Variants in CSTPP1 observed in about 807,000 individuals in gnomAD.
The protein encoded by CSTPP1 is UPF0705 protein C11orf49.
chr11:47,113,550 C>T, the CSTPP1 span, among the ~76,000 whole-genome samples: 3 of 152,126 alleles, frequency 2.0e-5, no homozygotes, highest in Non-Finnish European at 1.5e-5. Context: ...TTCTAACTGG[C>T]GTGAGATGGT....
the CSTPP1 span, among the ~76,000 whole-genome samples, chr11:47,142,853 G>A: frequency 6.6e-6 from 1 of 152,156 alleles, no homozygotes; most frequent in African/African-American, 2.4e-5. Flanking sequence ...CTTCTGGAAT[G>A]GTATTCCTCT....
At chr11:47,017,698 C>T in the CSTPP1 span, among the ~76,000 whole-genome samples, 1 of 148,746 alleles carries the variant, frequency 6.7e-6, no homozygotes. Flanking sequence ...GACAGAGTCT[C>T]ACTCTGTTGC....
At chr11:46,955,258 T>C in the CSTPP1 span, among the ~76,000 whole-genome samples, 1 of 152,144 alleles carries the variant, frequency 6.6e-6, no homozygotes, top group Non-Finnish European at 1.5e-5. Flanking sequence ...CCCCACTTTC[T>C]ACATGGAAGG....
At chr11:47,067,559 A>C in the CSTPP1 span, among the ~76,000 whole-genome samples, 1 of 152,192 alleles carries the variant, frequency 6.6e-6, no homozygotes, top group South Asian at 2.1e-4. Flanking sequence ...AAGAAGAGAC[A>C]CCGGAACTGG....
the CSTPP1 span, among the ~76,000 whole-genome samples, chr11:47,134,842 A>G: frequency 1.3e-5 from 2 of 152,200 alleles, no homozygotes; most frequent in Non-Finnish European, 1.5e-5. Flanking sequence ...TAAGTGTCCA[A>G]ACTCAGCAAC....
At chr11:47,016,406 A>AAAC in the CSTPP1 span, among the ~76,000 whole-genome samples, 1 of 150,394 alleles carries the variant, frequency 6.6e-6, no homozygotes, top group Non-Finnish European at 1.5e-5. Flanking sequence ...ACAAAAAACA[A>AAAC]AAAACAAAAA....
At chr11:46,939,419 T>C in the CSTPP1 span, among the ~76,000 whole-genome samples, 2 of 151,990 alleles carry the variant, frequency 1.3e-5, no homozygotes, top group Non-Finnish European at 2.9e-5. Context: ...ACAATTCTGG[T>C]TTACATTTTG....
chr11:46,996,396 C>T, the CSTPP1 span, among the ~76,000 whole-genome samples: 28 of 151,952 alleles, frequency 1.8e-4, no homozygotes, highest in African/African-American at 5.1e-4. Flanking sequence ...CTCCGCCTCC[C>T]GGGTTCACGC....
the CSTPP1 span, among the ~76,000 whole-genome samples, chr11:46,973,640 T>C: frequency 5.3e-5 from 8 of 152,208 alleles, no homozygotes; most frequent in African/African-American, 1.9e-4. Context: ...CCCATTTAAG[T>C]ACTTTCTAGA....
the CSTPP1 span, among the ~76,000 whole-genome samples, chr11:46,941,530 G>A: frequency 1.3e-5 from 2 of 152,022 alleles, no homozygotes; most frequent in Non-Finnish European, 2.9e-5. Context: ...AGTAGAGACA[G>A]AGTTTCACCA....
the CSTPP1 span, among the ~76,000 whole-genome samples, chr11:47,128,976 G>A: frequency 5.3e-5 from 8 of 152,128 alleles, no homozygotes; most frequent in Non-Finnish European, 1.0e-4. Flanking sequence ...GTTGAGTGAG[G>A]TATATCACCA....
the CSTPP1 span, among the ~76,000 whole-genome samples, chr11:47,049,166 T>C: frequency 7.9e-5 from 12 of 151,538 alleles, no homozygotes; most frequent in Non-Finnish European, 1.5e-4. Flanking sequence ...TTGTAATGTT[T>C]CATAAAATCA....
the CSTPP1 span, chr11:47,157,771 T>C: frequency 6.3e-7 from 1 of 1,587,014 alleles, no homozygotes; most frequent in Admixed American, 1.7e-5. Context: ...GAGGTGGCCC[T>C]GAGGCTGGCT....
At chr11:46,989,730 C>T in the CSTPP1 span, among the ~76,000 whole-genome samples, 3 of 152,202 alleles carry the variant, frequency 2.0e-5, no homozygotes, top group Non-Finnish European at 2.9e-5. Flanking sequence ...AGGTTTGTTA[C>T]ATGGGTACAT....
At chr11:47,095,525 A>G in the CSTPP1 span, among the ~76,000 whole-genome samples, 1 of 152,158 alleles carries the variant, frequency 6.6e-6, no homozygotes, top group African/African-American at 2.4e-5. Flanking sequence ...GTTGTAATAT[A>G]TGTTTTAGCT....
chr11:46,937,754 G>A, the CSTPP1 span, among the ~76,000 whole-genome samples: 1 of 151,854 alleles, frequency 6.6e-6, no homozygotes, highest in African/African-American at 2.4e-5. Flanking sequence ...AACCAGGATG[G>A]TCTCGATCTC....
chr11:47,107,403 C>G, the CSTPP1 span, among the ~76,000 whole-genome samples: 2 of 152,162 alleles, frequency 1.3e-5, no homozygotes, highest in African/African-American at 4.8e-5. Context: ...TTGTTAGAAA[C>G]AGGATCTTTT....
the CSTPP1 span, among the ~76,000 whole-genome samples, chr11:47,089,790 A>T: frequency 6.6e-6 from 1 of 152,206 alleles, no homozygotes; most frequent in Non-Finnish European, 1.5e-5. Flanking sequence ...TGACAGATAA[A>T]AAGTAGTGAC....
chr11:46,997,559 C>G, the CSTPP1 span, among the ~76,000 whole-genome samples: 1 of 152,226 alleles, frequency 6.6e-6, no homozygotes, highest in Non-Finnish European at 1.5e-5. Context: ...CTTCTTCTCT[C>G]AACTCGTCAA....
Sources: gnomAD v4.1 joint callset for allele counts (sites outside exome capture counted in the v4.1 genomes callset) on GRCh38, gnomAD v4.1.1 for gene constraint, MANE v1.5 for transcripts, NCBI Gene and HGNC (gene_info 2026-07-23, HGNC 2026-07-21) for gene names.